Variants in GRIK1 observed in about 807,000 individuals in gnomAD.
GRIK1 encodes glutamate ionotropic receptor kainate type subunit 1.
In GRIK1, 69 loss-of-function variants were observed where a neutral mutation model predicts 105.7. That is an observed-to-expected ratio of 0.65 (90% confidence interval 0.54 to 0.80). The LOEUF (loss-of-function observed/expected upper bound fraction) is 0.80. GRIK1 is among the 30% of genes least tolerant of loss of function. The pLI, the probability that GRIK1 is intolerant of heterozygous loss-of-function variation, is 0.00. For synonymous variants in GRIK1, 438 were observed against 431.3 expected (o/e 1.02, Z -0.19); for missense variants, 1,109 against 1,167.3 (o/e 0.95, Z 0.73).
chr21:29,939,859 T>G lies in GRIK1; in HGVS notation c.-359A>C, dbSNP rs1453352841. 3 of 195,692 alleles carry G rather than the reference T, an allele frequency of 1.5e-5. No individual in the cohort carries two copies. The highest frequency in any genetic ancestry group is 3.1e-5 in the Non-Finnish European group (3 of 96,810). The allele number at this position is 195,692 out of a possible 1,614,324, so 12.1% of individuals were successfully genotyped here. Reference sequence around the variant, plus strand: ...AACGTCTCCCTCATTCGTCCTTTGGTCAGATGCAAAAGTCGGGGGATAGGC... The same window carrying G: ...AACGTCTCCCTCATTCGTCCTTTGGGCAGATGCAAAAGTCGGGGGATAGGC... On this transcript the variant is annotated 5_prime_UTR_variant, in exon 1 of 18. Coordinates refer to ENST00000327783, the MANE Select transcript of GRIK1 (RefSeq NM_001330994.2).
intron 1 of GRIK1, among the ~76,000 whole-genome samples, chr21:29,823,389 C>T (rs904384329): frequency 6.6e-6 from 1 of 151,720 alleles, no homozygotes; most frequent in Non-Finnish European, 1.5e-5. Context: ...TTTATTACAA[C>T]AAATTTATTT....
intron 1 of GRIK1, among the ~76,000 whole-genome samples, chr21:29,870,359 C>T (rs469143): frequency 0.13 from 20,041 of 151,822 alleles, 1,648 homozygotes; most frequent in East Asian, 0.35. Flanking sequence ...TTTCAATTTG[C>T]GATATCAATT....
chr21:29,752,878 T>A (rs1448394146), intron 1 of GRIK1, among the ~76,000 whole-genome samples: 1 of 152,226 alleles, frequency 6.6e-6, no homozygotes, highest in South Asian at 2.1e-4. Flanking sequence ...CATCTGTTAT[T>A]GAACAGTACC....
At chr21:29,761,219 CT>C (rs1204032453) in intron 1 of GRIK1, 1 of 152,278 alleles carries the variant, frequency 6.6e-6, no homozygotes, top group Non-Finnish European at 1.5e-5. Flanking sequence ...ACTTTGGACC[CT>C]TTTCATTAGC....
intron 7 of GRIK1, among the ~76,000 whole-genome samples, chr21:29,601,789 C>T (rs1054499452): frequency 6.6e-6 from 1 of 152,154 alleles, no homozygotes; most frequent in African/African-American, 2.4e-5. Flanking sequence ...TTTGGAAATC[C>T]TTATATCCTC....
chr21:29,585,851 C>A (rs2300306), intron 12 of GRIK1, among the ~76,000 whole-genome samples: 1 of 151,972 alleles, frequency 6.6e-6, no homozygotes. Flanking sequence ...AAAGCAATAT[C>A]TTCTTTAATT....
intron 1 of GRIK1, among the ~76,000 whole-genome samples, chr21:29,803,485 C>T (rs1178364828): frequency 6.6e-6 from 1 of 152,044 alleles, no homozygotes; most frequent in Non-Finnish European, 1.5e-5. Flanking sequence ...AGGAGAATGC[C>T]ATGTGTTGTG....
At chr21:29,737,274 T>C (rs1316510008) in intron 1 of GRIK1, among the ~76,000 whole-genome samples, 1 of 152,284 alleles carries the variant, frequency 6.6e-6, no homozygotes, top group East Asian at 1.9e-4. Flanking sequence ...ACAAAGAAAC[T>C]GTAGGCTCAT....
chr21:29,709,466 A>C (rs796939074), intron 1 of GRIK1, among the ~76,000 whole-genome samples: 18 of 151,856 alleles, frequency 1.2e-4, no homozygotes, highest in African/African-American at 3.6e-4. Flanking sequence ...TTTTTAGTAG[A>C]GATGGGGTTT....
chr21:29,698,577 GA>G (rs1156982536), intron 1 of GRIK1, among the ~76,000 whole-genome samples: 1 of 152,118 alleles, frequency 6.6e-6, no homozygotes, highest in African/African-American at 2.4e-5. Context: ...GTGTGTACCT[GA>G]AGCATGAGAA....
At chr21:29,543,952 G>A (rs1245152681) in intron 16 of GRIK1, among the ~76,000 whole-genome samples, 1 of 152,094 alleles carries the variant, frequency 6.6e-6, no homozygotes, top group Non-Finnish European at 1.5e-5. Context: ...TCCCGTGTTT[G>A]CTAATGTCAT....
At chr21:29,708,701 C>T (rs1447507317) in intron 1 of GRIK1, among the ~76,000 whole-genome samples, 1 of 152,248 alleles carries the variant, frequency 6.6e-6, no homozygotes, top group East Asian at 1.9e-4. Context: ...ACTGCTCTTT[C>T]AGCCTGGGAC....
rs533911993 is a variant in GRIK1 at position 29,589,102 on chromosome 21, T to C, written c.1366-60A>G. The C allele has an allele frequency of 3.3e-6, 3 of 911,480 alleles. No homozygotes were observed. In the East Asian group the frequency reaches 7.2e-5, roughly 22 times the overall value. The allele number at this position is 911,480 out of a possible 1,614,324, so 56.5% of individuals were successfully genotyped here. A position where few individuals can be genotyped will look rare whatever the true frequency, so the allele number is the denominator to read the frequency against. On this transcript the variant is annotated intron_variant, in intron 10 of 17. Coordinates refer to ENST00000327783, the MANE Select transcript of GRIK1 (RefSeq NM_001330994.2). ...ATAATGAAAGGAAGAGTTTACCCTATCAGCAGCTTGAAGATGTGAAATGTT... is the reference window on the plus strand; with the variant it reads ...ATAATGAAAGGAAGAGTTTACCCTACCAGCAGCTTGAAGATGTGAAATGTT...
intron 16 of GRIK1, among the ~76,000 whole-genome samples, chr21:29,541,302 C>G (rs1022630539): frequency 6.6e-6 from 1 of 152,120 alleles, no homozygotes; most frequent in African/African-American, 2.4e-5. Flanking sequence ...GAATTGGTGC[C>G]TGGTATCAGA....
chr21:29,705,735 T>A (rs1035488760), intron 1 of GRIK1, among the ~76,000 whole-genome samples: 2 of 152,216 alleles, frequency 1.3e-5, no homozygotes, highest in Non-Finnish European at 2.9e-5. Flanking sequence ...AGCATTAAGA[T>A]GGTCTGTATG....
rs141703716 is a variant in GRIK1 at position 29,634,820 on chromosome 21, G to T, written c.1098+8006C>A. On this transcript the variant is annotated intron_variant, in intron 7 of 17. Coordinates refer to ENST00000327783, the MANE Select transcript of GRIK1 (RefSeq NM_001330994.2). ...TATATGACAAAAAGGGTGTTATTAG[G>T]CAGGTTTAGTCAGGAAAACAAAAAG... Among the ~76,000 whole-genome samples the T allele has an allele frequency of 7.6e-4, 116 of 152,282 alleles. 2 individuals are homozygous for T. In the East Asian group the frequency reaches 0.021, roughly 28 times the overall value.
At chr21:29,815,905 C>T (rs1252482549) in intron 1 of GRIK1, among the ~76,000 whole-genome samples, 1 of 151,910 alleles carries the variant, frequency 6.6e-6, no homozygotes, top group Non-Finnish European at 1.5e-5. Context: ...AATATTATGG[C>T]TAAGATTGCA....
intron 7 of GRIK1, among the ~76,000 whole-genome samples, chr21:29,617,599 A>C (rs1424689026): frequency 6.6e-6 from 1 of 152,194 alleles, no homozygotes; most frequent in African/African-American, 2.4e-5. Flanking sequence ...GTGTTTTCAG[A>C]AGCGCTTGCA....
At chr21:29,850,363 C>A (rs1426552835) in intron 1 of GRIK1, among the ~76,000 whole-genome samples, 1 of 152,060 alleles carries the variant, frequency 6.6e-6, no homozygotes, top group African/African-American at 2.4e-5. Flanking sequence ...AAATCTCTAT[C>A]TTTTCGATGT....
Sources: gnomAD v4.1 joint callset for allele counts (sites outside exome capture counted in the v4.1 genomes callset) on GRCh38, gnomAD v4.1.1 for gene constraint, MANE v1.5 for transcripts, NCBI Gene and HGNC (gene_info 2026-07-23, HGNC 2026-07-21) for gene names.